The following DLG2 variants were observed in gnomAD, a reference collection of about 807,000 sequenced individuals.
The protein encoded by DLG2 is disks large homolog 2.
A neutral mutation model predicts 132.5 loss-of-function variants in DLG2; 45 were observed. The observed-to-expected ratio is 0.34, with a 90% confidence interval of 0.27 to 0.44. The LOEUF is 0.44. DLG2 is among the 20% of genes least tolerant of loss of function. DLG2 has a pLI of 1.00. For synonymous variants in DLG2, 424 were observed against 419.6 expected (o/e 1.01, Z -0.13); for missense variants, 1,045 against 1,196.9 (o/e 0.87, Z 1.87).
intron 6 of DLG2, among the ~76,000 whole-genome samples, chr11:84,801,948 T>A (rs1483836703): frequency 6.6e-6 from 1 of 152,212 alleles, no homozygotes; most frequent in Non-Finnish European, 1.5e-5. Context: ...TGCTTCTGCA[T>A]CTGTACAGGG....
intron 7 of DLG2, among the ~76,000 whole-genome samples, chr11:84,404,081 C>A (rs1014881488): frequency 6.6e-6 from 1 of 152,020 alleles, no homozygotes; most frequent in African/African-American, 2.4e-5. Flanking sequence ...ATTGCTTTAC[C>A]GTGTTTATAA....
At chr11:84,552,569 T>G (rs2099403911) in intron 6 of DLG2, among the ~76,000 whole-genome samples, 1 of 152,230 alleles carries the variant, frequency 6.6e-6, no homozygotes, top group Non-Finnish European at 1.5e-5. Context: ...GAACTCATAG[T>G]TACCTGTGCA....
chr11:83,989,612 G>A (rs969752842), intron 11 of DLG2, among the ~76,000 whole-genome samples: 1 of 152,122 alleles, frequency 6.6e-6, no homozygotes, highest in East Asian at 1.9e-4. Flanking sequence ...AAAAGAAAAT[G>A]CACATTTAAA....
chr11:84,892,699 A>G (rs1167719325), intron 6 of DLG2, among the ~76,000 whole-genome samples: 1 of 152,032 alleles, frequency 6.6e-6, no homozygotes, highest in Admixed American at 6.6e-5. Flanking sequence ...CCCTTTAAAA[A>G]CCATAGGGTT....
intron 6 of DLG2, among the ~76,000 whole-genome samples, chr11:84,831,568 A>G (rs937207846): frequency 2.0e-5 from 3 of 151,590 alleles, no homozygotes; most frequent in African/African-American, 7.3e-5. Flanking sequence ...TTCACTTTAC[A>G]GGAAAAAATT....
intron 18 of DLG2, among the ~76,000 whole-genome samples, chr11:83,660,074 C>T (rs2073855845): frequency 6.6e-6 from 1 of 152,114 alleles, no homozygotes; most frequent in African/African-American, 2.4e-5. Context: ...AAAGATTGTT[C>T]TGGAGGGTAA....
At chr11:85,237,531 T>C (rs1397159145) in intron 4 of DLG2, among the ~76,000 whole-genome samples, 3 of 152,038 alleles carry the variant, frequency 2.0e-5, no homozygotes, top group Non-Finnish European at 2.9e-5. Context: ...AAAACTTAAC[T>C]AGTGTAAACT....
intron 11 of DLG2, among the ~76,000 whole-genome samples, chr11:83,991,267 G>A (rs1266867877): frequency 6.6e-6 from 1 of 152,164 alleles, no homozygotes; most frequent in South Asian, 2.1e-4. Context: ...CACTGACAAA[G>A]CATCTTCAAT....
chr11:84,674,026 T>C (rs374947729), intron 6 of DLG2, among the ~76,000 whole-genome samples: 10 of 152,300 alleles, frequency 6.6e-5, no homozygotes, highest in Non-Finnish European at 1.5e-5. Context: ...TGCAGAATAA[T>C]GGCACAAAAC....
chr11:83,765,869 T>C (rs1327392551), intron 18 of DLG2, among the ~76,000 whole-genome samples: 1 of 152,166 alleles, frequency 6.6e-6, no homozygotes, highest in Non-Finnish European at 1.5e-5. Context: ...ATATACTCAA[T>C]AGTGATAGTG....
intron 6 of DLG2, among the ~76,000 whole-genome samples, chr11:84,668,915 C>T (rs2099702747): frequency 6.6e-6 from 1 of 152,032 alleles, no homozygotes; most frequent in African/African-American, 2.4e-5. Flanking sequence ...CCACAATGTG[C>T]CAGGCACTGT....
At chr11:85,388,755 A>G (rs1321928424) in intron 3 of DLG2, among the ~76,000 whole-genome samples, 2 of 152,020 alleles carry the variant, frequency 1.3e-5, no homozygotes, top group African/African-American at 4.8e-5. Context: ...AATAACAATC[A>G]CTGCAGTTCA....
chr11:83,805,394 AT>A (rs2153950809), intron 17 of DLG2, among the ~76,000 whole-genome samples: 1 of 151,838 alleles, frequency 6.6e-6, no homozygotes, highest in East Asian at 1.9e-4. Context: ...TTCTGGATTT[AT>A]TTTTGATATA....
intron 3 of DLG2, among the ~76,000 whole-genome samples, chr11:85,501,445 T>C (rs1296529290): frequency 3.3e-5 from 5 of 152,190 alleles, no homozygotes; most frequent in African/African-American, 1.2e-4. Context: ...AAAGAGCTTC[T>C]GCACAGCAAA....
At chr11:85,307,478 T>C (rs1021741377) in intron 3 of DLG2, among the ~76,000 whole-genome samples, 3 of 152,218 alleles carry the variant, frequency 2.0e-5, no homozygotes, top group African/African-American at 4.8e-5. Flanking sequence ...AACTACTTTA[T>C]ATGGAAATCT....
chr11:84,502,617 C>T (rs934923043), intron 7 of DLG2, among the ~76,000 whole-genome samples: 7 of 151,520 alleles, frequency 4.6e-5, no homozygotes, highest in African/African-American at 7.3e-5. Flanking sequence ...AGGCTAATTT[C>T]GAACTCCTGG....
intron 6 of DLG2, among the ~76,000 whole-genome samples, chr11:84,997,034 C>CA (rs2057718955): frequency 1.3e-5 from 2 of 152,122 alleles, no homozygotes; most frequent in South Asian, 4.1e-4. Flanking sequence ...AGTAGTAAAA[C>CA]AACCCTGGTG....
chr11:85,564,921 C>G (rs2077445655), intron 3 of DLG2, among the ~76,000 whole-genome samples: 1 of 151,950 alleles, frequency 6.6e-6, no homozygotes, highest in African/African-American at 2.4e-5. Context: ...TTTCTGATAG[C>G]AAAGTTTTAT....
At chr11:83,483,361 G>T in intron 22 of DLG2, 1 of 1,299,386 alleles carries the variant, frequency 7.7e-7, no homozygotes, top group South Asian at 1.2e-5. Context: ...GAGGAAGGAA[G>T]AAGTCAGTGG....
Sources: gnomAD v4.1 joint callset for allele counts (sites outside exome capture counted in the v4.1 genomes callset) on GRCh38, gnomAD v4.1.1 for gene constraint, MANE v1.5 for transcripts, NCBI Gene and HGNC (gene_info 2026-07-23, HGNC 2026-07-21) for gene names.